CHGA: variants seen among roughly 807,000 people sequenced by gnomAD.
The protein encoded by CHGA is chromogranin A.
Under a neutral mutation model 54.4 loss-of-function variants are expected in CHGA, and 41 were observed. The observed-to-expected ratio is 0.75, with a 90% CI of 0.59 to 0.98. CHGA has a LOEUF of 0.98. Among genes scored for constraint, CHGA ranks in the 50% least tolerant of loss-of-function variants. CHGA has a pLI of 0.00. For missense variants in CHGA, 576 were observed against 582.3 expected (o/e 0.99, Z 0.11); for synonymous variants, 249 against 232.8 (o/e 1.07, Z -0.63).
At chr14:92,931,799 A>G (rs11851859) in intron 6 of CHGA, 97 bp downstream of exon 6, 266,168 of 1,232,484 alleles carry the variant, frequency 0.22, 30,787 homozygotes, top group East Asian at 0.39. Flanking sequence ...CTTCATAACA[A>G]CCCTGAAAGG....
intron 2 of CHGA, among the ~76,000 whole-genome samples, chr14:92,924,755 C>T (rs975598242): frequency 1.7e-4 from 26 of 152,222 alleles, no homozygotes; most frequent in Admixed American, 8.5e-4. Flanking sequence ...CCTGCACCCA[C>T]GGTCCCACCA....
intron 4 of CHGA, among the ~76,000 whole-genome samples, chr14:92,928,640 T>G (rs1886934950): frequency 6.7e-6 from 1 of 148,382 alleles, no homozygotes; most frequent in Non-Finnish European, 1.5e-5. Context: ...ATTGAATGAC[T>G]AACTGATTAC....
rs745320335 is a variant in CHGA at position 92,932,328 on chromosome 14, T to A, written c.809-42T>A. On this transcript the variant is annotated intron_variant, in intron 6 of 7. Coordinates refer to ENST00000216492, the MANE Select transcript of CHGA (RefSeq NM_001275.4). The surrounding 1 kb of genome is among the most constrained non-coding windows in gnomAD (Gnocchi z 5.3). Reference sequence around the variant, plus strand: ...GTGGCAGAGACTGGGAAAATGGTGGTCCCCCACCCATTCTCCTGCTCTTGC... The same window carrying A: ...GTGGCAGAGACTGGGAAAATGGTGGACCCCCACCCATTCTCCTGCTCTTGC... 6.6e-7 allele frequency: 1 copy of A among 1,523,322 alleles called. No homozygotes were observed. The highest frequency in any genetic ancestry group is 8.8e-7 in the Non-Finnish European group (1 of 1,132,958). The allele number at this position is 1,523,322 out of a possible 1,614,324, so 94.4% of individuals were successfully genotyped here. A position where few individuals can be genotyped will look rare whatever the true frequency, so the allele number is the denominator to read the frequency against.
At position 92,923,182 on chromosome 14, in the gene CHGA, C is replaced by T; in HGVS notation, c.-178C>T. 1 of 434,822 alleles carries T rather than the reference C, an allele frequency of 2.3e-6. No homozygotes were observed. Among genetic ancestry groups the T allele is most frequent in the Non-Finnish European group, 3.7e-6 (1 of 271,916 alleles). 26.9% of individuals were successfully genotyped at this position (434,822 alleles called of 1,614,324 possible). ...CTCCTGCCACTGCAGTGCTCGAGCCCCGTGCAGGGGAGCTTGCGGGAGGAT... is the reference window on the plus strand; with the variant it reads ...CTCCTGCCACTGCAGTGCTCGAGCCTCGTGCAGGGGAGCTTGCGGGAGGAT... On this transcript the variant is annotated 5_prime_UTR_variant, in exon 1 of 8. Coordinates refer to ENST00000216492, the MANE Select transcript of CHGA (RefSeq NM_001275.4).
chr14:92,928,657 ATAAT>A (rs577315046), intron 4 of CHGA, among the ~76,000 whole-genome samples: 251 of 152,328 alleles, frequency 1.6e-3, no homozygotes, highest in African/African-American at 5.8e-3. Flanking sequence ...TTACATTTAA[ATAAT>A]TAAATAGACT....
In CHGA at chr14:92,929,761, G is replaced by T; in HGVS notation, c.301G>T (p.Glu101Ter). The change falls in exon 5 of 8, where the codon GAA becomes TAA. Residue 101 changes from glutamate to a stop codon, truncating the protein, a stop_gained. Coordinates refer to ENST00000216492, the MANE Select transcript of CHGA (RefSeq NM_001275.4). LOFTEE classifies it high-confidence loss of function. ...AHQQKKHSGF[E>*]DELSEVLENQ... ...TCAGCAGAAGAAACACAGCGGTTTTGAAGATGAACTCTCAGAGGTTCTTGA... is the reference window on the plus strand; with the variant it reads ...TCAGCAGAAGAAACACAGCGGTTTTTAAGATGAACTCTCAGAGGTTCTTGA... 1 of 1,613,856 alleles carries T rather than the reference G, an allele frequency of 6.2e-7. No homozygotes were observed. Among genetic ancestry groups the T allele is most frequent in the African/African-American group, 1.3e-5 (1 of 75,056 alleles).
chr14:92,924,186 T>G lies in CHGA; in HGVS notation c.47-13T>G. 6.2e-7 allele frequency: 1 copy of G among 1,610,708 alleles called. No homozygotes were observed. Among genetic ancestry groups the G allele is most frequent in the Non-Finnish European group, 8.5e-7 (1 of 1,178,946 alleles). ...GCAGAGGAGTGACCCCAGCACTCTC[T>G]TCTTCTTCCCAGTCACTGCGCTCCC... On this transcript the variant is annotated splice_polypyrimidine_tract_variant and intron_variant, in intron 1 of 7. Transcript: ENST00000216492.
chr14:92,932,098 TC>T lies in CHGA; in HGVS notation c.809-269del. ...ACTACGGTTTAGGAGAGGCCCTGGC[TC>T]CCGCTGCGGGCCTGTCAGGGTCTTT... On this transcript the variant is annotated intron_variant, in intron 6 of 7. Coordinates refer to ENST00000216492, the MANE Select transcript of CHGA (RefSeq NM_001275.4). The surrounding 1 kb of genome is among the most constrained non-coding windows in gnomAD (Gnocchi z 5.3). 1 of 459,606 alleles carries T rather than the reference TC, an allele frequency of 2.2e-6. No homozygotes were observed. Among genetic ancestry groups the T allele is most frequent in the East Asian group, 3.9e-5 (1 of 25,854 alleles). 28.5% of individuals were successfully genotyped at this position (459,606 alleles called of 1,614,324 possible).
chr14:92,931,487 A>C lies in CHGA; in HGVS notation c.593A>C (p.Gln198Pro), dbSNP rs1405657479. 1 of 1,611,830 alleles carries C rather than the reference A, an allele frequency of 6.2e-7. No homozygotes were observed. Among genetic ancestry groups the C allele is most frequent in the Non-Finnish European group, 8.5e-7 (1 of 1,179,420 alleles). The change falls in exon 6 of 8, where the codon CAG (glutamine) becomes CCG (proline). Residue 198 changes from glutamine to proline, a missense_variant. Coordinates refer to ENST00000216492, the MANE Select transcript of CHGA (RefSeq NM_001275.4). ...CCCAGCCAGAAATACCCAGGCCCACAGGCCGAGGGGGACAGTGAGGGCCTC... is the reference window on the plus strand; with the variant it reads ...CCCAGCCAGAAATACCCAGGCCCACCGGCCGAGGGGGACAGTGAGGGCCTC... ...SLPSQKYPGP[Q>P]AEGDSEGLSQ...
chr14:92,932,572 G>A lies in CHGA; in HGVS notation c.1011G>A (p.Glu337=). 1 of 1,561,356 alleles carries A rather than the reference G, an allele frequency of 6.4e-7. No individual in the cohort carries two copies. Among genetic ancestry groups the A allele is most frequent in the Middle Eastern group, 1.7e-4 (1 of 5,722 alleles). Residue 337 remains glutamate, a synonymous_variant, in exon 7 of 8, where the codon GAG becomes GAA. Coordinates refer to ENST00000216492, the MANE Select transcript of CHGA (RefSeq NM_001275.4). This position sits in a 1 kb window ranked among gnomAD's most constrained non-coding sequence, Gnocchi z 5.3. ...AGGAGCGGCTCTCCAAGGAGTGGGA[G>A]GACTCCAAACGCTGGAGCAAGATGG... ...QEEERLSKEW[E]DSKRWSKMDQ... is the part of the protein sequence containing the mutation.
intron 4 of CHGA, among the ~76,000 whole-genome samples, chr14:92,929,208 G>T (rs893286564): frequency 2.6e-5 from 4 of 152,198 alleles, no homozygotes; most frequent in Non-Finnish European, 5.9e-5. Flanking sequence ...CTTCTCCCCG[G>T]GCCTGGACTC....
In CHGA at chr14:92,932,512, C is replaced by T. The variant is rs1469120715; in HGVS notation, c.951C>T (p.Phe317=). ...TGGCAGTGGTCCCGCAAGGCCTCTTCCGGGGTGGGAAGAGCGGAGAGCTGG... is the reference window on the plus strand; with the variant it reads ...TGGCAGTGGTCCCGCAAGGCCTCTTTCGGGGTGGGAAGAGCGGAGAGCTGG... ...EEMAVVPQGL[F]RGGKSGELEQ... The change falls in exon 7 of 8, where the codon TTC becomes TTT. Residue 317 remains phenylalanine (F), a synonymous_variant. Coordinates refer to ENST00000216492, the MANE Select transcript of CHGA (RefSeq NM_001275.4). This position sits in a 1 kb window ranked among gnomAD's most constrained non-coding sequence, Gnocchi z 5.3. 1 of 1,553,792 alleles carries T rather than the reference C, an allele frequency of 6.4e-7. No homozygotes were observed.
In CHGA at chr14:92,926,718, G is replaced by A. The variant is rs1166867996; in HGVS notation, c.187+20G>A. 1 of 1,604,098 alleles carries A rather than the reference G, an allele frequency of 6.2e-7. No homozygotes were observed. Among genetic ancestry groups the A allele is most frequent in the Non-Finnish European group, 8.5e-7 (1 of 1,171,226 alleles). On this transcript the variant is annotated intron_variant, in intron 3 of 7. Coordinates refer to ENST00000216492, the MANE Select transcript of CHGA (RefSeq NM_001275.4). ...GAGGAGGTATGAGCTGGAGGCTAGG[G>A]GTGAGGGCTGCTGCCTGCTGGGCTG...
chr14:92,923,280 G>T lies in CHGA; in HGVS notation c.-80G>T, dbSNP rs1886819167. The T allele has an allele frequency of 1.6e-6, 2 of 1,220,610 alleles. No homozygotes were observed. Among genetic ancestry groups the T allele is most frequent in the African/African-American group, 3.2e-5 (2 of 63,160 alleles). 75.6% of individuals were successfully genotyped at this position (1,220,610 alleles called of 1,614,324 possible). ...GCCGGTGCCACCGCAGCCCGACCCC[G>T]GCCGCCAGTCCAGCCGCCCCTCGCC... On this transcript the variant is annotated 5_prime_UTR_variant, in exon 1 of 8. Coordinates refer to ENST00000216492, the MANE Select transcript of CHGA (RefSeq NM_001275.4).
In CHGA at chr14:92,923,266, CG is replaced by C; in HGVS notation, c.-93del. ...GCCCCCAGCCCCGCGCCGGTGCCAC[CG>C]CAGCCCGACCCCGGCCGCCAGTCCA... On this transcript the variant is annotated 5_prime_UTR_variant, in exon 1 of 8. Coordinates refer to ENST00000216492, the MANE Select transcript of CHGA (RefSeq NM_001275.4). The C allele has an allele frequency of 8.5e-7, 1 of 1,172,700 alleles. No individual in the cohort carries two copies. Among genetic ancestry groups the C allele is most frequent in the Non-Finnish European group, 1.1e-6 (1 of 935,974 alleles). The allele number at this position is 1,172,700 out of a possible 1,614,324, so 72.6% of individuals were successfully genotyped here. A position where few individuals can be genotyped will look rare whatever the true frequency, so the allele number is the denominator to read the frequency against.
intron 5 of CHGA, 30 bp from the exon 6 acceptor site, chr14:92,931,220 G>C (rs751120672): frequency 6.3e-7 from 1 of 1,581,386 alleles, no homozygotes; most frequent in Non-Finnish European, 8.6e-7. Flanking sequence ...CCAGTCCTCA[G>C]GGCCTGACTT....
rs150929444 is a variant in CHGA, at chr14:92,929,754, C to T, written c.294C>T (p.Ser98=). 406 of 1,613,704 alleles carry T rather than the reference C, an allele frequency of 2.5e-4. 2 individuals are homozygous for T. The highest frequency in any genetic ancestry group is 3.2e-4 in the Non-Finnish European group (383 of 1,180,016). Residue 98 remains serine, a synonymous_variant, in exon 5 of 8, where the codon AGC becomes AGT. Transcript: ENST00000216492. ...GGGCACATCAGCAGAAGAAACACAGCGGTTTTGAAGATGAACTCTCAGAGG... is the reference window on the plus strand; with the variant it reads ...GGGCACATCAGCAGAAGAAACACAGTGGTTTTGAAGATGAACTCTCAGAGG... ...KERAHQQKKH[S]GFEDELSEVL...
chr14:92,931,610 C>T lies in CHGA; in HGVS notation c.716C>T (p.Ala239Val). 1 of 1,612,628 alleles carries T rather than the reference C, an allele frequency of 6.2e-7. No individual in the cohort carries two copies. Among genetic ancestry groups the T allele is most frequent in the East Asian group, 2.2e-5 (1 of 44,858 alleles). Reference protein sequence around the residue: ...EEEEEEEEAEAGEEAVPEEEG... With the variant: ...EEEEEEEEAEVGEEAVPEEEG... The stretch of plus-strand genomic sequence containing the variant: ...GAGGAGGAGGAGGAGGAGGCTGAGG[C>T]TGGAGAGGAGGCTGTCCCCGAGGAA... Residue 239 changes from alanine (A) to valine (V), a missense_variant, in exon 6 of 8, where the codon GCT becomes GTT. Coordinates refer to ENST00000216492, the MANE Select transcript of CHGA (RefSeq NM_001275.4).
rs1466690146 is a variant in CHGA at position 92,932,892 on chromosome 14, AGCAGCAGGGG to A, written c.1290+47_1290+56del. 3 of 1,449,462 alleles carry A rather than the reference AGCAGCAGGGG, an allele frequency of 2.1e-6. No homozygotes were observed. The highest frequency in any genetic ancestry group is 2.7e-6 in the Non-Finnish European group (3 of 1,101,046). 89.8% of individuals were successfully genotyped at this position (1,449,462 alleles called of 1,614,324 possible). Reference sequence around the variant, plus strand: ...GAGCCAGCTCTGTGCCAGGCCACGGAGCAGCAGGGGGCAGCCGCACCCAGACACACTGCCC... The same window carrying A: ...GAGCCAGCTCTGTGCCAGGCCACGGAGCAGCCGCACCCAGACACACTGCCC... On this transcript the variant is annotated intron_variant, in intron 7 of 7. Coordinates refer to ENST00000216492, the MANE Select transcript of CHGA (RefSeq NM_001275.4). This position sits in a 1 kb window ranked among gnomAD's most constrained non-coding sequence, Gnocchi z 5.3.
Sources: allele counts gnomAD v4.1 joint callset (sites outside exome capture counted in the v4.1 genomes callset), GRCh38; gene constraint gnomAD v4.1.1; non-coding constraint Gnocchi (gnomAD v3.1); transcripts MANE v1.5; gene names NCBI Gene and HGNC (gene_info 2026-07-23, HGNC 2026-07-21).